AOPEP: variants seen among roughly 807,000 people sequenced by gnomAD.
The protein encoded by AOPEP is aminopeptidase O.
Under a neutral mutation model 98.1 loss-of-function variants are expected in AOPEP, and 77 were observed. That is an observed-to-expected ratio of 0.78 (90% confidence interval 0.65 to 0.95). The LOEUF (loss-of-function observed/expected upper bound fraction) is 0.95, where lower values mean the gene tolerates loss of function less well. AOPEP is among the 40% of genes least tolerant of loss of function. AOPEP has a pLI of 0.00. For missense variants in AOPEP, 1,024 were observed against 1,024.7 expected (o/e 1.00, Z 0.01); for synonymous variants, 346 against 365.3 (o/e 0.95, Z 0.60).
intron 5 of AOPEP, among the ~76,000 whole-genome samples, chr9:94,872,916 A>G (rs1225225936): frequency 1.3e-5 from 2 of 152,196 alleles, no homozygotes; most frequent in Admixed American, 6.5e-5. Flanking sequence ...CAAGAGGGTT[A>G]AGGTCTTTAC....
intron 9 of AOPEP, among the ~76,000 whole-genome samples, chr9:94,960,697 A>G (rs2058756844): frequency 6.6e-6 from 1 of 151,778 alleles, no homozygotes; most frequent in Non-Finnish European, 1.5e-5. Context: ...CACAGGCTCT[A>G]TTTCTGAGTT....
Position 95,013,671 on chromosome 9 carries a change from G to A in AOPEP, c.2115+8055G>A, listed in dbSNP as rs574206770. Reference sequence around the variant, plus strand: ...AGCTTGTTTTCTAGTAGAATTCTCAGGAAGAGCTTAGAACAGCTATAGTCC... The same window carrying A: ...AGCTTGTTTTCTAGTAGAATTCTCAAGAAGAGCTTAGAACAGCTATAGTCC... On this transcript the variant is annotated intron_variant, in intron 13 of 16. Coordinates refer to ENST00000375315, the MANE Select transcript of AOPEP (RefSeq NM_001193329.3). Among the ~76,000 whole-genome samples the A allele has an allele frequency of 5.9e-5, 9 of 152,222 alleles. No homozygotes were observed. The East Asian group carries it at 1.7e-3, about 29-fold the overall frequency.
chr9:94,966,173 T>C (rs139415927), intron 9 of AOPEP, among the ~76,000 whole-genome samples: 5,354 of 139,394 alleles, frequency 0.038, 396 homozygotes, highest in African/African-American at 0.14. Context: ...CATCAGAGTC[T>C]TGTGCAGAGT....
chr9:94,857,561 T>C (rs1340504495), intron 5 of AOPEP, among the ~76,000 whole-genome samples: 1 of 152,144 alleles, frequency 6.6e-6, no homozygotes, highest in African/African-American at 2.4e-5. Flanking sequence ...CTTGTAAATA[T>C]TATTTGACTT....
intron 14 of AOPEP, among the ~76,000 whole-genome samples, chr9:95,069,092 T>G (rs2068214920): frequency 6.6e-6 from 1 of 152,226 alleles, no homozygotes; most frequent in Non-Finnish European, 1.5e-5. Context: ...AACTTCCTAC[T>G]GAACTGTAAG....
chr9:95,047,378 A>G (rs1420080514), intron 13 of AOPEP, among the ~76,000 whole-genome samples: 1 of 152,214 alleles, frequency 6.6e-6, no homozygotes, highest in Non-Finnish European at 1.5e-5. Context: ...GATTATTTAA[A>G]GATCAAATCA....
chr9:94,762,148 T>C (rs978075263), intron 2 of AOPEP, among the ~76,000 whole-genome samples: 3 of 152,192 alleles, frequency 2.0e-5, no homozygotes, highest in Non-Finnish European at 4.4e-5. Context: ...TGATGGTTTC[T>C]ATGAAGAAAT....
intron 1 of AOPEP, among the ~76,000 whole-genome samples, chr9:94,744,565 G>A (rs1270698392): frequency 6.6e-6 from 1 of 151,686 alleles, no homozygotes; most frequent in Non-Finnish European, 1.5e-5. Context: ...GCTGGGCATG[G>A]TAGTGCATGC....
chr9:95,045,838 AG>A (rs1358947193), intron 13 of AOPEP, among the ~76,000 whole-genome samples: 1 of 152,210 alleles, frequency 6.6e-6, no homozygotes, highest in Middle Eastern at 3.2e-3. Flanking sequence ...AGAGGGGAGC[AG>A]TACCAGTAGA....
At position 95,005,197 on chromosome 9, in the gene AOPEP, C is replaced by T. The variant is rs1263956569; in HGVS notation, c.2017C>T (p.Leu673Phe). The T allele has an allele frequency of 2.6e-6, 3 of 1,140,982 alleles. No individual in the cohort carries two copies. The highest frequency in any genetic ancestry group is 3.3e-5 in the African/African-American group (2 of 60,916). 70.7% of individuals were successfully genotyped at this position (1,140,982 alleles called of 1,614,324 possible). Residue 673 changes from leucine (L) to phenylalanine (F), a missense_variant, in exon 12 of 17, where the codon CTT (leucine) becomes TTT (phenylalanine). Leu to Phe is a conservative substitution (Grantham distance 22). Around this residue, in one of 3 missense-constraint regions of AOPEP, gnomAD observed 566 missense variants for 551.7 expected, o/e 1.03. Transcript: ENST00000375315. The stretch of plus-strand genomic sequence containing the variant: ...GCGTCGCGCCGGGGCGGAGTGCGGG[C>T]TTGCGCGGCAAGTGCGCGCCGAGGT... ...RERRAGAECG[L>F]ARQVRAEVTK...
At chr9:94,879,174 A>T (rs2047299798) in intron 5 of AOPEP, among the ~76,000 whole-genome samples, 1 of 152,210 alleles carries the variant, frequency 6.6e-6, no homozygotes. Flanking sequence ...ATGACTCCTA[A>T]ACTACAATTT....
intron 7 of AOPEP, chr9:94,932,118 G>A (rs1026982318): frequency 4.9e-6 from 5 of 1,026,940 alleles, no homozygotes; most frequent in South Asian, 4.6e-5. Flanking sequence ...GGAACTGAGA[G>A]CATTTAGTTG....
At chr9:94,810,379 A>G (rs570621558) in intron 5 of AOPEP, among the ~76,000 whole-genome samples, 209 of 151,614 alleles carry the variant, frequency 1.4e-3, no homozygotes, top group African/African-American at 4.8e-3. Flanking sequence ...CAGTGGCGCA[A>G]TCTCGGATCA....
At chr9:95,134,971 G>C in the AOPEP span, among the ~76,000 whole-genome samples, 5 of 152,216 alleles carry the variant, frequency 3.3e-5, no homozygotes, top group African/African-American at 1.2e-4. Flanking sequence ...CTAGTGAAGA[G>C]CTACAAGTTT....
chr9:94,924,450 T>C (rs1346840638), intron 6 of AOPEP, among the ~76,000 whole-genome samples: 1 of 152,138 alleles, frequency 6.6e-6, no homozygotes, highest in Non-Finnish European at 1.5e-5. Context: ...GTGGGTCCTA[T>C]TTTAGAAGGT....
the AOPEP span, among the ~76,000 whole-genome samples, chr9:95,094,131 C>A: frequency 2.1e-4 from 32 of 151,992 alleles, no homozygotes; most frequent in Non-Finnish European, 4.3e-4. Flanking sequence ...TTATGTGAAC[C>A]TCTGAGTTGC....
At chr9:95,059,655 G>A (rs1306970850) in intron 13 of AOPEP, among the ~76,000 whole-genome samples, 3 of 152,146 alleles carry the variant, frequency 2.0e-5, no homozygotes, top group Non-Finnish European at 4.4e-5. Flanking sequence ...CCAGAAAGTG[G>A]CAGTTAAAAT....
At chr9:94,773,221 G>C (rs1841285407) in intron 3 of AOPEP, 53 bp downstream of exon 3, 26 of 1,473,324 alleles carry the variant, frequency 1.8e-5, no homozygotes, top group Non-Finnish European at 2.4e-5. Context: ...TGTGGACCCA[G>C]GAACCCAATA....
At chr9:95,088,243 CTT>C (rs747746358), downstream of AOPEP, among the ~76,000 whole-genome samples, 3 of 151,258 alleles carry the variant, frequency 2.0e-5, no homozygotes, top group Non-Finnish European at 4.4e-5. Flanking sequence ...CAGTTTCACT[CTT>C]GTTGCGCAGG....
Sources: allele counts gnomAD v4.1 joint callset (sites outside exome capture counted in the v4.1 genomes callset), GRCh38; gene constraint gnomAD v4.1.1; regional missense constraint gnomAD v4.1.1; transcripts MANE v1.5; gene names NCBI Gene and HGNC (gene_info 2026-07-23, HGNC 2026-07-21).